The following MYO7A variants were observed in gnomAD, a reference collection of about 807,000 sequenced individuals.
MYO7A encodes the protein unconventional myosin-VIIa.
In MYO7A, 210 loss-of-function variants were observed where a neutral mutation model predicts 263.8. That is an observed-to-expected ratio of 0.80 (90% CI 0.71 to 0.89). MYO7A has a LOEUF of 0.89. Ranked by LOEUF, MYO7A falls within the 40% of genes least tolerant of loss-of-function variation. The pLI, the probability that MYO7A is intolerant of heterozygous loss-of-function variation, is 0.00. For missense variants in MYO7A, 2,820 were observed against 2,968.3 expected, an observed-to-expected ratio of 0.95 and a Z score of 1.16; for synonymous variants, 1,239 against 1,197.3, an observed-to-expected ratio of 1.03 and a Z score of -0.72.
Position 77,161,033 on chromosome 11 carries a change from C to A in MYO7A, c.1261C>A (p.Pro421Thr). The change falls in exon 12 of 49, where the codon CCT (proline) becomes ACT (threonine). Residue 421 changes from proline (P) to threonine (T), a missense_variant. By Grantham distance (38) the Pro-to-Thr change is conservative. Transcript: ENST00000409709. ...CAAGATCAACGCAGCAATTTACAAGCCTCCCTCCCAGGATGTGAAGAACTC... is the reference window on the plus strand; with the variant it reads ...CAAGATCAACGCAGCAATTTACAAGACTCCCTCCCAGGATGTGAAGAACTC... ...VDKINAAIYK[P>T]PSQDVKNSRR... The A allele has an allele frequency of 1.9e-6, 3 of 1,613,606 alleles. No homozygotes were observed. The highest frequency in any genetic ancestry group is 2.2e-5 in the East Asian group (1 of 44,870).
chr11:77,214,085 G>A (rs2135803461), intron 48 of MYO7A, 106 bp downstream of exon 48: 1 of 1,503,118 alleles, frequency 6.7e-7, no homozygotes, highest in South Asian at 1.2e-5. Context: ...TGGGCCTGGG[G>A]TCGTGGGCAA....
chr11:77,134,222 C>T (rs1950848950), intron 2 of MYO7A, among the ~76,000 whole-genome samples: 1 of 152,160 alleles, frequency 6.6e-6, no homozygotes, highest in African/African-American at 2.4e-5. Flanking sequence ...TTAGCCACTG[C>T]ATCTGGCCTA....
chr11:77,157,598 G>A (rs1203365711), intron 8 of MYO7A, among the ~76,000 whole-genome samples: 6 of 152,180 alleles, frequency 3.9e-5, no homozygotes, highest in Non-Finnish European at 8.8e-5. Flanking sequence ...GCACGCACAC[G>A]GCAGGCTGGC....
intron 32 of MYO7A, among the ~76,000 whole-genome samples, chr11:77,195,194 C>T (rs1956549491): frequency 6.6e-6 from 1 of 152,162 alleles, no homozygotes; most frequent in African/African-American, 2.4e-5. Context: ...CCCGGGAGCC[C>T]TGTGCCACCC....
intron 21 of MYO7A, 101 bp downstream of exon 21, chr11:77,180,054 G>A (rs1955047666): frequency 2.4e-6 from 3 of 1,244,042 alleles, no homozygotes; most frequent in Admixed American, 2.4e-5. Flanking sequence ...CCTATAGGGG[G>A]GACCTGCAGT....
At chr11:77,137,612 C>T (rs534944689) in intron 2 of MYO7A, among the ~76,000 whole-genome samples, 10 of 152,324 alleles carry the variant, frequency 6.6e-5, no homozygotes, top group South Asian at 2.1e-4. Flanking sequence ...CGTGGACCGA[C>T]GCCTGGTGTC....
At position 77,201,582 on chromosome 11, in the gene MYO7A, CCCA is replaced by C; in HGVS notation, c.4990_4992del (p.Thr1664del). ...GAGGACCAAGCAGCGTGGGGACTTC[CCCA>C]CCGACAGTGTGTACGTCATGCCCAC... On this transcript the variant is annotated inframe_deletion, in exon 36 of 49. Coordinates refer to ENST00000409709, the MANE Select transcript of MYO7A (RefSeq NM_000260.4). 3.1e-6 allele frequency: 5 copies of C among 1,613,874 alleles called. No individual in the cohort carries two copies. The highest frequency in any genetic ancestry group is 4.2e-6 in the Non-Finnish European group (5 of 1,179,858).
chr11:77,191,412 C>T (rs1368887361), intron 30 of MYO7A, among the ~76,000 whole-genome samples: 1 of 152,184 alleles, frequency 6.6e-6, no homozygotes, highest in African/African-American at 2.4e-5. Context: ...GTCCTCAGGC[C>T]CAGTGAATCC....
intron 20 of MYO7A, 96 bp from the exon 21 acceptor site, chr11:77,179,639 T>C: frequency 8.7e-7 from 1 of 1,152,204 alleles, no homozygotes. Context: ...GGGGTGCCTG[T>C]CTGAGAGTGG....
chr11:77,155,981 C>T lies in MYO7A; in HGVS notation c.360C>T (p.Arg120=). Residue 120 remains arginine (R), a synonymous_variant, in exon 5 of 49, where the codon CGC becomes CGT. Transcript: ENST00000409709. ...LLSIYSPEHI[R]QYTNKKIGEM... is the part of the protein sequence containing the mutation. ...CCATCTACTCGCCAGAGCACATCCG[C>T]CAGTATACCAACAAGAAGATTGGGG... 1 of 1,613,562 alleles carries T rather than the reference C, an allele frequency of 6.2e-7. No homozygotes were observed. Among genetic ancestry groups the T allele is most frequent in the South Asian group, 1.1e-5 (1 of 90,872 alleles).
chr11:77,187,995 T>C (rs1955766373), intron 27 of MYO7A, among the ~76,000 whole-genome samples: 1 of 152,224 alleles, frequency 6.6e-6, no homozygotes, highest in Non-Finnish European at 1.5e-5. Flanking sequence ...AAAAGGCAGC[T>C]GCTGCAGGCG....
chr11:77,163,314 A>G (rs575835537), intron 14 of MYO7A, among the ~76,000 whole-genome samples: 1 of 151,924 alleles, frequency 6.6e-6, no homozygotes, highest in African/African-American at 2.4e-5. Context: ...TGTGAGTTTG[A>G]CTATTCTAGG....
chr11:77,158,289 A>G lies in MYO7A; in HGVS notation c.862A>G (p.Thr288Ala). The stretch of plus-strand genomic sequence containing the variant: ...CCCTGCCCACCAGGGTAACTGCATA[A>G]CCTGTGAGGGCCGGGTGGACAGCCA... Reference protein sequence around the residue: ...YNYLAMGNCITCEGRVDSQEY... With the variant: ...YNYLAMGNCIACEGRVDSQEY... The change falls in exon 9 of 49, where the codon ACC becomes GCC. Residue 288 changes from threonine to alanine, a missense_variant. Transcript: ENST00000409709. 1 of 1,606,794 alleles carries G rather than the reference A, an allele frequency of 6.2e-7. No individual in the cohort carries two copies. Among genetic ancestry groups the G allele is most frequent in the Non-Finnish European group, 8.5e-7 (1 of 1,175,280 alleles).
chr11:77,178,941 G>A, intron 19 of MYO7A, 104 bp from the exon 20 acceptor site: 1 of 843,852 alleles, frequency 1.2e-6, no homozygotes, highest in African/African-American at 1.7e-5. Context: ...CATATAGCTA[G>A]GAAGTCACAG....
rs1555079188 is a variant in MYO7A at position 77,174,994 on chromosome 11, A to G, written c.2094+80A>G. ...CAAGGGTCCCAATTTTCTTATCAGG[A>G]CCATGGGCGGGGCTTGACATCTGCT... is the stretch of plus-strand genomic sequence containing the variant. On this transcript the variant is annotated intron_variant, in intron 17 of 48. Coordinates refer to ENST00000409709, the MANE Select transcript of MYO7A (RefSeq NM_000260.4). 8 of 1,555,456 alleles carry G rather than the reference A, an allele frequency of 5.1e-6. No individual in the cohort carries two copies. The South Asian group carries it at 6.9e-5, about 13-fold the overall frequency.
chr11:77,147,716 G>A, intron 3 of MYO7A, 82 bp from the exon 4 acceptor site: 4 of 1,555,900 alleles, frequency 2.6e-6, no homozygotes, highest in South Asian at 1.2e-5. Flanking sequence ...CTCACCCCGC[G>A]CTCCCGCCCG....
intron 16 of MYO7A, among the ~76,000 whole-genome samples, chr11:77,174,172 ACT>A (rs1228987084): frequency 1.3e-5 from 2 of 151,362 alleles, no homozygotes; most frequent in African/African-American, 4.9e-5. Context: ...CCTGCCTTCT[ACT>A]CTTTCTCCCC....
rs781798661 is a variant in MYO7A, at chr11:77,156,742, A to G, written c.553A>G (p.Ile185Val). The G allele has an allele frequency of 2.5e-5, 40 of 1,613,852 alleles. No individual in the cohort carries two copies. Among genetic ancestry groups the G allele is most frequent in the Non-Finnish European group, 3.3e-5 (39 of 1,179,882 alleles). ...LAAISGQHSW[I>V]EQQVLEATPI... ...AGCCATCAGTGGGCAGCACTCGTGG[A>G]TTGAGCAGCAGGTCTTGGAGGCCAC... Residue 185 changes from isoleucine to valine, a missense_variant, in exon 6 of 49, where the codon ATT becomes GTT. Coordinates refer to ENST00000409709, the MANE Select transcript of MYO7A (RefSeq NM_000260.4).
intron 2 of MYO7A, 115 bp from the exon 3 acceptor site, chr11:77,142,594 C>T (rs782006097): frequency 2.3e-6 from 2 of 871,010 alleles, no homozygotes; most frequent in South Asian, 2.9e-5. Context: ...CTTCTCTTCC[C>T]CCTTGTGTGG....
Sources: gnomAD v4.1 joint callset for allele counts (sites outside exome capture counted in the v4.1 genomes callset) on GRCh38, gnomAD v4.1.1 for gene constraint, MANE v1.5 for transcripts, NCBI Gene and HGNC (gene_info 2026-07-23, HGNC 2026-07-21) for gene names.